Variants in NFIB observed in about 807,000 individuals in gnomAD.
NFIB encodes the protein nuclear factor 1 B-type.
Under a neutral mutation model 61.5 loss-of-function variants are expected in NFIB, and 11 were observed. That is an observed-to-expected ratio of 0.18 (90% CI 0.11 to 0.30). The LOEUF (loss-of-function observed/expected upper bound fraction) is 0.30, where lower values mean the gene tolerates loss of function less well. NFIB is among the 10% of genes least tolerant of loss of function. The pLI, the probability that NFIB is intolerant of heterozygous loss-of-function variation, is 1.00. For missense variants in NFIB, 471 were observed against 608.9 expected (o/e 0.77, Z 2.38); for synonymous variants, 260 against 216.5 (o/e 1.20, Z -1.76).
At chr9:14,436,942 A>T in the NFIB span, among the ~76,000 whole-genome samples, 1 of 150,556 alleles carries the variant, frequency 6.6e-6, no homozygotes, top group Non-Finnish European at 1.5e-5. Context: ...AAATTTCCTT[A>T]AAAGTTTTCA....
At chr9:14,338,186 A>C (rs1385465566) in intron 1 of NFIB, among the ~76,000 whole-genome samples, 1 of 152,166 alleles carries the variant, frequency 6.6e-6, no homozygotes, top group Non-Finnish European at 1.5e-5. Context: ...CAAGGTCAGA[A>C]GATCGAGACC....
intron 2 of NFIB, among the ~76,000 whole-genome samples, chr9:14,234,249 G>C (rs2053508576): frequency 6.6e-6 from 1 of 152,102 alleles, no homozygotes; most frequent in Non-Finnish European, 1.5e-5. Flanking sequence ...TGCAACAGAA[G>C]TACATGCAAT....
At chr9:14,420,087 C>G in the NFIB span, among the ~76,000 whole-genome samples, 1 of 152,066 alleles carries the variant, frequency 6.6e-6, no homozygotes, top group Non-Finnish European at 1.5e-5. Context: ...AGTATAGTCC[C>G]CAAACTGTCC....
At chr9:14,156,730 C>G (rs1237270789) in intron 3 of NFIB, among the ~76,000 whole-genome samples, 1 of 152,084 alleles carries the variant, frequency 6.6e-6, no homozygotes, top group African/African-American at 2.4e-5. Context: ...CCATTCTCAT[C>G]TATGTTAAGG....
the NFIB span, among the ~76,000 whole-genome samples, chr9:14,409,586 G>C: frequency 6.6e-6 from 1 of 152,200 alleles, no homozygotes; most frequent in Non-Finnish European, 1.5e-5. Flanking sequence ...TGAGGAAAGG[G>C]GAGCGGCAAC....
the NFIB span, among the ~76,000 whole-genome samples, chr9:14,466,569 A>C: frequency 6.6e-6 from 1 of 152,122 alleles, no homozygotes; most frequent in Non-Finnish European, 1.5e-5. Context: ...AAACAGTCGG[A>C]AGCTAGGAGC....
intron 2 of NFIB, among the ~76,000 whole-genome samples, chr9:14,227,978 T>C (rs1278030463): frequency 6.6e-6 from 1 of 152,202 alleles, no homozygotes. Flanking sequence ...TTTTCAAGTA[T>C]CCAAGTTTTT....
chr9:14,389,095 T>C (rs2061589891), intron 1 of NFIB, among the ~76,000 whole-genome samples: 1 of 152,216 alleles, frequency 6.6e-6, no homozygotes, highest in Admixed American at 6.5e-5. Context: ...AAGGTTTCTT[T>C]CAAACAACAT....
At chr9:14,217,162 T>A (rs1308725127) in intron 2 of NFIB, among the ~76,000 whole-genome samples, 1 of 152,198 alleles carries the variant, frequency 6.6e-6, no homozygotes, top group Non-Finnish European at 1.5e-5. Context: ...AGAATAACAT[T>A]AATTTCTAAA....
the NFIB span, among the ~76,000 whole-genome samples, chr9:14,505,320 TTTG>T: frequency 2.0e-5 from 3 of 152,186 alleles, no homozygotes; most frequent in African/African-American, 7.2e-5. Flanking sequence ...GTTTTCTTTT[TTTG>T]TTATGTCCTT....
chr9:14,529,718 C>T, the NFIB span, among the ~76,000 whole-genome samples: 1 of 152,094 alleles, frequency 6.6e-6, no homozygotes, highest in African/African-American at 2.4e-5. Flanking sequence ...GCCAAAATAA[C>T]AAAGTTTATT....
At chr9:14,302,918 C>A (rs189517795) in intron 2 of NFIB, among the ~76,000 whole-genome samples, 1 of 152,146 alleles carries the variant, frequency 6.6e-6, no homozygotes, top group African/African-American at 2.4e-5. Context: ...GCAATATTAA[C>A]GCTAACTATC....
chr9:14,486,264 A>G, the NFIB span, among the ~76,000 whole-genome samples: 1 of 152,206 alleles, frequency 6.6e-6, no homozygotes, highest in African/African-American at 2.4e-5. Flanking sequence ...GTGAGGAGAC[A>G]GAAGATTCTA....
chr9:14,477,809 G>T, the NFIB span, among the ~76,000 whole-genome samples: 4 of 152,146 alleles, frequency 2.6e-5, no homozygotes, highest in East Asian at 3.8e-4. Flanking sequence ...TGTTATCATT[G>T]GGTTCTTTTG....
At chr9:14,109,588 T>C (rs1223993879) in intron 10 of NFIB, among the ~76,000 whole-genome samples, 2 of 151,894 alleles carry the variant, frequency 1.3e-5, no homozygotes, top group Non-Finnish European at 2.9e-5. Flanking sequence ...TTTTAAGATT[T>C]CCCCCATGCC....
In NFIB at chr9:14,236,351, A is replaced by G. The variant is rs762946656; in HGVS notation, c.563-56571T>C. 7.2e-5 allele frequency among the ~76,000 whole-genome samples: 11 copies of G among 152,318 alleles called. 1 individual carries two copies. The South Asian group carries it at 2.3e-3, about 32-fold the overall frequency. ...ACTCCTTAATTTCATCATAGTGGTCAGTAATCTTTAGTGATTGAGACAGAA... is the reference window on the plus strand; with the variant it reads ...ACTCCTTAATTTCATCATAGTGGTCGGTAATCTTTAGTGATTGAGACAGAA... On this transcript the variant is annotated intron_variant, in intron 2 of 10. Coordinates refer to ENST00000380953, the MANE Select transcript of NFIB (RefSeq NM_001190737.2).
At chr9:14,220,842 T>TACACACAC (rs138623129) in intron 2 of NFIB, among the ~76,000 whole-genome samples, 9,434 of 122,872 alleles carry the variant, frequency 0.077, 507 homozygotes, top group Middle Eastern at 0.099. Context: ...TCAATCTCCC[T>TACACACAC]ACACACACAC....
chr9:14,179,907 T>C (rs1224895865), intron 2 of NFIB, 127 bp from the exon 3 acceptor site: 1 of 769,380 alleles, frequency 1.3e-6, no homozygotes, highest in African/African-American at 1.8e-5. Flanking sequence ...TAAAATACAC[T>C]TTCCCAAGAC....
the NFIB span, among the ~76,000 whole-genome samples, chr9:14,469,759 T>A: frequency 2.0e-5 from 3 of 152,318 alleles, no homozygotes; most frequent in South Asian, 6.2e-4. Context: ...CCTATATACT[T>A]GTTAATGGCT....
Sources: gnomAD v4.1 joint callset for allele counts (sites outside exome capture counted in the v4.1 genomes callset) on GRCh38, gnomAD v4.1.1 for gene constraint, MANE v1.5 for transcripts, NCBI Gene and HGNC (gene_info 2026-07-23, HGNC 2026-07-21) for gene names.